Variants in BRD9 observed in about 807,000 individuals in gnomAD.
BRD9 encodes the protein bromodomain containing 9, also known as bromodomain-containing protein 9.
A neutral mutation model predicts 68.7 loss-of-function variants in BRD9; 47 were observed. The ratio of observed to expected loss-of-function variants is 0.68; its 90% CI spans 0.54 to 0.87. BRD9 has a LOEUF of 0.87. Ranked by LOEUF, BRD9 falls within the 40% of genes least tolerant of loss-of-function variation. The probability of loss-of-function intolerance (pLI) is 0.00; values close to 1 mark genes in which losing one functional copy is unlikely to be tolerated. For missense variants in BRD9, 670 were observed against 748.4 expected (o/e 0.90, Z 1.22); for synonymous variants, 313 against 293.9 (o/e 1.06, Z -0.67).
At chr5:885,455 A>G (rs1479623989) in intron 7 of BRD9, among the ~76,000 whole-genome samples, 1 of 152,204 alleles carries the variant, frequency 6.6e-6, no homozygotes, top group Non-Finnish European at 1.5e-5. Context: ...CGTGAGTCCC[A>G]TACACATGTG....
chr5:890,584 A>G (rs901960084), intron 3 of BRD9, among the ~76,000 whole-genome samples: 10 of 152,202 alleles, frequency 6.6e-5, no homozygotes, highest in African/African-American at 2.4e-4. Flanking sequence ...ATTCTACTAA[A>G]GGCCTCCAGC....
chr5:881,257 G>A (rs966290538), intron 8 of BRD9, 75 bp from the exon 9 acceptor site: 2 of 1,416,488 alleles, frequency 1.4e-6, no homozygotes, highest in East Asian at 4.7e-5. Context: ...AGACCAACAA[G>A]CAGGGCTTAA....
In BRD9 at chr5:892,552, T is replaced by C. The variant is rs1753621245; in HGVS notation, c.52+54A>G. 1.1e-5 allele frequency: 17 copies of C among 1,523,334 alleles called. No homozygotes were observed. In the East Asian group the frequency reaches 3.9e-4, roughly 35 times the overall value. 94.4% of individuals were successfully genotyped at this position (1,523,334 alleles called of 1,614,324 possible). ...CCCCCGTCCGCGTGCCCGGAACTCC[T>C]CCCCCGTGCCCGGGACCCCGCCCGC... On this transcript the variant is annotated intron_variant, in intron 1 of 15. Transcript: ENST00000467963.
chr5:889,887 C>A, intron 3 of BRD9: 2 of 659,574 alleles, frequency 3.0e-6, no homozygotes, highest in African/African-American at 1.8e-5. Context: ...GCCCTTACAT[C>A]AACAATATGT....
chr5:889,136 G>A lies in BRD9; in HGVS notation c.491C>T (p.Pro164Leu). The A allele has an allele frequency of 1.2e-6, 2 of 1,607,138 alleles. No homozygotes were observed. The highest frequency in any genetic ancestry group is 1.7e-5 in the Admixed American group (1 of 58,364). Residue 164 changes from proline (P) to leucine (L), a missense_variant, in exon 5 of 16, where the codon CCT (proline) becomes CTT (leucine). Coordinates refer to ENST00000467963, the MANE Select transcript of BRD9 (RefSeq NM_023924.5). ...RKDPHGFFAFPVTDAIAPGYS... is the reference protein window; with the variant it reads ...RKDPHGFFAFLVTDAIAPGYS... The stretch of plus-strand genomic sequence containing the variant: ...TCCAGGAGCAATTGCATCCGTGACA[G>A]GAAAAGCAAAAAATCCATGGGGATC...
chr5:887,340 T>C (rs1368113904), intron 6 of BRD9, 21 bp downstream of exon 6: 2 of 1,587,742 alleles, frequency 1.3e-6, no homozygotes, highest in Non-Finnish European at 1.7e-6. Flanking sequence ...CGTAGCTCGC[T>C]GCTGCCAGTG....
In BRD9 at chr5:870,828, G is replaced by C. The variant is rs368443770; in HGVS notation, c.1423-253C>G. On this transcript the variant is annotated intron_variant, in intron 13 of 15. Transcript: ENST00000467963. ...CAACAACGCAAACTAACAATCCTTT[G>C]TTAACTTTTTGGGGCTAAAGAAATT... Among the ~76,000 whole-genome samples, 22 of 152,310 alleles carry C rather than the reference G, an allele frequency of 1.4e-4. No homozygotes were observed. The East Asian group carries it at 3.9e-3, about 27-fold the overall frequency.
Position 864,232 on chromosome 5 carries a change from A to C in BRD9, c.*236T>G, listed in dbSNP as rs1749011066. ...TCAGGGTTCACGGGGCTGTGTACAG[A>C]GACTCTCTCTGCTGACACGATGGCC... On this transcript the variant is annotated 3_prime_UTR_variant, in exon 16 of 16. Coordinates refer to ENST00000467963, the MANE Select transcript of BRD9 (RefSeq NM_023924.5). 2.6e-6 allele frequency: 1 copy of C among 383,676 alleles called. No homozygotes were observed. The highest frequency in any genetic ancestry group is 4.9e-6 in the Non-Finnish European group (1 of 204,306). 23.8% of individuals were successfully genotyped at this position (383,676 alleles called of 1,614,324 possible). A position where few individuals can be genotyped will look rare whatever the true frequency, so the allele number is the denominator to read the frequency against.
rs564129900 is a variant in BRD9 at position 870,386 on chromosome 5, G to A, written c.1525+87C>T. ...TTTTCCTGGCATCCCTGTCTAGTCAGGAAGGGAGAGGAGGTGGAGGCCGTG... is the reference window on the plus strand; with the variant it reads ...TTTTCCTGGCATCCCTGTCTAGTCAAGAAGGGAGAGGAGGTGGAGGCCGTG... On this transcript the variant is annotated intron_variant, in intron 14 of 15. Coordinates refer to ENST00000467963, the MANE Select transcript of BRD9 (RefSeq NM_023924.5). The A allele has an allele frequency of 1.3e-5, 13 of 1,024,402 alleles. No individual in the cohort carries two copies. In the African/African-American group the frequency reaches 2.1e-4, roughly 16 times the overall value. 63.5% of individuals were successfully genotyped at this position (1,024,402 alleles called of 1,614,324 possible).
chr5:891,846 C>A lies in BRD9; in HGVS notation c.61G>T (p.Asp21Tyr). The A allele has an allele frequency of 6.4e-7, 1 of 1,551,256 alleles. No individual in the cohort carries two copies. The highest frequency in any genetic ancestry group is 1.2e-5 in the South Asian group (1 of 84,038). ...EWRSSYEDYA[D>Y]KPLEKPLKLV... is the part of the protein sequence containing the mutation. ...TTTAGAGGCTTCTCCAGGGGCTTGT[C>A]GGCATAATCTGCACAGACACAGACC... Residue 21 changes from aspartate (D) to tyrosine (Y), a missense_variant, in exon 2 of 16, where the codon GAC becomes TAC. Asp to Tyr is a radical substitution (Grantham distance 160, BLOSUM62 -3). Around this residue, in one of 5 missense-constraint regions of BRD9, gnomAD observed 161 missense variants for 148.1 expected, o/e 1.09. Coordinates refer to ENST00000467963, the MANE Select transcript of BRD9 (RefSeq NM_023924.5).
In BRD9 at chr5:892,632, T is replaced by C. The variant is rs1481724861; in HGVS notation, c.26A>G (p.Lys9Arg). Residue 9 changes from lysine to arginine, a missense_variant, in exon 1 of 16, where the codon AAG becomes AGG. Transcript: ENST00000467963. ...CTCGTAGGACGAGCGCCACTCGGCC[T>C]TGTGCTTCTTGTGCTTCTTGCCCAT... MGKKHKKH[K>R]AEWRSSYEDY... The C allele has an allele frequency of 6.7e-7, 1 of 1,487,014 alleles. No individual in the cohort carries two copies. Among genetic ancestry groups the C allele is most frequent in the Non-Finnish European group, 8.9e-7 (1 of 1,118,284 alleles). 92.1% of individuals were successfully genotyped at this position (1,487,014 alleles called of 1,614,324 possible).
chr5:892,007 G>A lies in BRD9; in HGVS notation c.53-153C>T. On this transcript the variant is annotated intron_variant, in intron 1 of 15. Transcript: ENST00000467963. ...GAAAGACGGAAGGGAAGACCACAGT[G>A]GCGGCATGTCACTGCCTCCTTGTTC... The A allele has an allele frequency of 4.7e-6, 6 of 1,269,656 alleles. No individual in the cohort carries two copies. The East Asian group carries it at 1.0e-4, about 22-fold the overall frequency. The allele number at this position is 1,269,656 out of a possible 1,614,324, so 78.6% of individuals were successfully genotyped here. A position where few individuals can be genotyped will look rare whatever the true frequency, so the allele number is the denominator to read the frequency against.
At chr5:876,265 C>G in intron 11 of BRD9, 53 bp from the exon 12 acceptor site, 1 of 1,405,914 alleles carries the variant, frequency 7.1e-7, no homozygotes. Flanking sequence ...TCGCCTGGCC[C>G]TCGCGGCAGC....
At chr5:890,928 A>G (rs1414848690) in intron 3 of BRD9, among the ~76,000 whole-genome samples, 4 of 152,180 alleles carry the variant, frequency 2.6e-5, no homozygotes, top group African/African-American at 9.7e-5. Context: ...CTAACAAGTT[A>G]AAAAACAAAA....
At position 883,921 on chromosome 5, in the gene BRD9, T is replaced by C. The variant is rs376182398; in HGVS notation, c.966+17A>G. 2.7e-5 allele frequency: 43 copies of C among 1,606,518 alleles called. No homozygotes were observed. Among genetic ancestry groups the C allele is most frequent in the Non-Finnish European group, 3.2e-5 (38 of 1,177,684 alleles). On this transcript the variant is annotated intron_variant, in intron 8 of 15. Transcript: ENST00000467963. Reference sequence around the variant, plus strand: ...GGGGCCACGTGGCACCCTCTCTCGGTGGCCACAGAGCACTACCTTGCCGCC... The same window carrying C: ...GGGGCCACGTGGCACCCTCTCTCGGCGGCCACAGAGCACTACCTTGCCGCC...
At chr5:865,235 C>T (rs569479200) in intron 15 of BRD9, among the ~76,000 whole-genome samples, 179 bp downstream of exon 15, 5 of 152,374 alleles carry the variant, frequency 3.3e-5, no homozygotes, top group Non-Finnish European at 5.9e-5. Context: ...AGCTCCGCTC[C>T]GGCTCTGCAC....
chr5:865,870 A>G, intron 14 of BRD9: 1 of 309,862 alleles, frequency 3.2e-6, no homozygotes, highest in African/African-American at 2.1e-5. Context: ...GACACCGTGG[A>G]GGGATGTGGC....
intron 12 of BRD9, among the ~76,000 whole-genome samples, chr5:875,862 G>A (rs1750825840): frequency 6.6e-6 from 1 of 152,242 alleles, no homozygotes; most frequent in South Asian, 2.1e-4. Flanking sequence ...AAGTGACAGA[G>A]ATGAAAGATG....
At position 864,448 on chromosome 5, in the gene BRD9, G is replaced by C. The variant is rs1386472511; in HGVS notation, c.*20C>G. The C allele has an allele frequency of 3.3e-6, 5 of 1,537,270 alleles. No individual in the cohort carries two copies. Among genetic ancestry groups the C allele is most frequent in the East Asian group, 4.5e-5 (2 of 44,130 alleles). On this transcript the variant is annotated 3_prime_UTR_variant, in exon 16 of 16. Transcript: ENST00000467963. Reference sequence around the variant, plus strand: ...ATAAAACTAAAAAAATAAAATAAAAGAGCTGAAGGTGGTCTAGAGTTAGGT... The same window carrying C: ...ATAAAACTAAAAAAATAAAATAAAACAGCTGAAGGTGGTCTAGAGTTAGGT...
Sources: allele counts gnomAD v4.1 joint callset (sites outside exome capture counted in the v4.1 genomes callset), GRCh38; gene constraint gnomAD v4.1.1; regional missense constraint gnomAD v4.1.1; transcripts MANE v1.5; gene names NCBI Gene and HGNC (gene_info 2026-07-23, HGNC 2026-07-21).